The following KCNH7 variants were observed in gnomAD, a reference collection of about 807,000 sequenced individuals.
The protein encoded by KCNH7 is potassium voltage-gated channel subfamily H member 7.
Under a neutral mutation model 120.8 loss-of-function variants are expected in KCNH7, and 49 were observed. That is an observed-to-expected ratio of 0.41 (90% CI 0.32 to 0.51). KCNH7 has a LOEUF of 0.51. KCNH7 is among the 20% of genes least tolerant of loss of function. The pLI is 0.38. For synonymous variants in KCNH7, 547 were observed against 516.1 expected (o/e 1.06, Z -0.81); for missense variants, 1,097 against 1,446.6 (o/e 0.76, Z 3.92).
At chr2:162,696,358 T>C (rs1286346415) in intron 2 of KCNH7, among the ~76,000 whole-genome samples, 1 of 152,200 alleles carries the variant, frequency 6.6e-6, no homozygotes, top group East Asian at 1.9e-4. Flanking sequence ...ATTACTTGTG[T>C]AATGTGGTAT....
chr2:162,394,712 T>C (rs1686854589), intron 11 of KCNH7, among the ~76,000 whole-genome samples: 1 of 151,896 alleles, frequency 6.6e-6, no homozygotes, highest in Admixed American at 6.6e-5. Flanking sequence ...GAAATCATAG[T>C]GTAGGAGTTA....
chr2:162,786,782 G>T (rs919596470), intron 2 of KCNH7, among the ~76,000 whole-genome samples: 2 of 152,078 alleles, frequency 1.3e-5, no homozygotes, highest in Non-Finnish European at 2.9e-5. Context: ...AAGAAGAGGG[G>T]TATCATCAGC....
intron 2 of KCNH7, among the ~76,000 whole-genome samples, chr2:162,553,593 G>A (rs950159830): frequency 6.6e-6 from 1 of 152,098 alleles, no homozygotes; most frequent in Admixed American, 6.5e-5. Flanking sequence ...AGCTTGCAGC[G>A]AGCCAAGATT....
At chr2:162,437,547 C>G (rs1688281782) in intron 7 of KCNH7, among the ~76,000 whole-genome samples, 1 of 152,068 alleles carries the variant, frequency 6.6e-6, no homozygotes, top group Non-Finnish European at 1.5e-5. Flanking sequence ...TTGGAACAGA[C>G]AAACTTATGT....
intron 2 of KCNH7, among the ~76,000 whole-genome samples, chr2:162,619,225 A>C (rs1363930931): frequency 6.6e-6 from 1 of 152,094 alleles, no homozygotes; most frequent in Non-Finnish European, 1.5e-5. Context: ...ATATGATACA[A>C]TTCACTTTAA....
At chr2:162,408,692 A>G (rs2105460532) in intron 9 of KCNH7, among the ~76,000 whole-genome samples, 1 of 152,100 alleles carries the variant, frequency 6.6e-6, no homozygotes, top group East Asian at 1.9e-4. Flanking sequence ...GAAATCTTTT[A>G]TAAAGGTGGG....
At chr2:162,729,075 A>G (rs1449771194) in intron 2 of KCNH7, among the ~76,000 whole-genome samples, 1 of 151,360 alleles carries the variant, frequency 6.6e-6, no homozygotes, top group African/African-American at 2.4e-5. Context: ...CTATTACATT[A>G]CCTTGGCCCA....
At chr2:162,781,852 GTGAC>G (rs201935433) in intron 2 of KCNH7, among the ~76,000 whole-genome samples, 2,535 of 152,226 alleles carry the variant, frequency 0.017, 63 homozygotes, top group African/African-American at 0.053. Flanking sequence ...ATTTGCTTTA[GTGAC>G]TGACTATTTC....
chr2:162,752,904 AAAAGAAAAG>A (rs1688613719), intron 2 of KCNH7, among the ~76,000 whole-genome samples: 54 of 50,914 alleles, frequency 1.1e-3, no homozygotes, highest in African/African-American at 3.4e-3. Context: ...ACATCTCAGA[AAAAGAAAAG>A]AAAAGAAAAG....
At chr2:162,377,650 A>G (rs988950332) in intron 14 of KCNH7, among the ~76,000 whole-genome samples, 1 of 151,982 alleles carries the variant, frequency 6.6e-6, no homozygotes, top group Non-Finnish European at 1.5e-5. Flanking sequence ...GATCTTATAG[A>G]GTCTTTGTGA....
chr2:162,681,375 T>C (rs1451017034), intron 2 of KCNH7, among the ~76,000 whole-genome samples: 1 of 151,706 alleles, frequency 6.6e-6, no homozygotes, highest in African/African-American at 2.4e-5. Flanking sequence ...ACAAGGGAAA[T>C]GTCAGGGCTT....
intron 7 of KCNH7, among the ~76,000 whole-genome samples, chr2:162,439,558 T>C (rs1688357073): frequency 6.6e-6 from 1 of 152,124 alleles, no homozygotes; most frequent in Admixed American, 6.6e-5. Flanking sequence ...TTTCCAACTC[T>C]TTTTTCCAAA....
chr2:162,720,567 A>C (rs1687293416), intron 2 of KCNH7, among the ~76,000 whole-genome samples: 1 of 151,930 alleles, frequency 6.6e-6, no homozygotes, highest in African/African-American at 2.4e-5. Flanking sequence ...ATAACACACA[A>C]TTTAAAAATA....
At chr2:162,468,325 C>A (rs902604364) in intron 6 of KCNH7, among the ~76,000 whole-genome samples, 5 of 148,792 alleles carry the variant, frequency 3.4e-5, no homozygotes, top group African/African-American at 1.3e-4. Flanking sequence ...AATCTCAATA[C>A]AATCTGACCT....
chr2:162,462,393 T>G (rs1689171103), intron 6 of KCNH7, among the ~76,000 whole-genome samples: 1 of 152,030 alleles, frequency 6.6e-6, no homozygotes, highest in Admixed American at 6.6e-5. Context: ...ATGTCCTTTA[T>G]CGAATTTTCA....
At chr2:162,506,287 C>T (rs1558983442) in intron 5 of KCNH7, among the ~76,000 whole-genome samples, 1 of 151,854 alleles carries the variant, frequency 6.6e-6, no homozygotes, top group Non-Finnish European at 1.5e-5. Context: ...TCAGATAGTT[C>T]TCTGACAGAA....
At chr2:162,824,412 T>C (rs72877121) in intron 2 of KCNH7, among the ~76,000 whole-genome samples, 8,381 of 152,112 alleles carry the variant, frequency 0.055, 313 homozygotes, top group South Asian at 0.11. Context: ...TAGTCCTTCA[T>C]TGGGGGGCAA....
At chr2:162,416,319 G>C (rs770172507) in intron 9 of KCNH7, among the ~76,000 whole-genome samples, 16 of 150,986 alleles carry the variant, frequency 1.1e-4, no homozygotes, top group Non-Finnish European at 1.6e-4. Flanking sequence ...GTTGCAGTGA[G>C]CTGAGATCTT....
intron 2 of KCNH7, among the ~76,000 whole-genome samples, chr2:162,745,705 GT>G (rs1688291750): frequency 1.3e-5 from 2 of 151,836 alleles, no homozygotes; most frequent in Admixed American, 1.3e-4. Flanking sequence ...CTTTTGAAGT[GT>G]TTTTGTTTAA....
Sources: allele counts gnomAD v4.1 joint callset (sites outside exome capture counted in the v4.1 genomes callset), GRCh38; gene constraint gnomAD v4.1.1; transcripts MANE v1.5; gene names NCBI Gene and HGNC (gene_info 2026-07-23, HGNC 2026-07-21).